The following PPL variants were observed in gnomAD, a reference collection of about 807,000 sequenced individuals.
The protein encoded by PPL is periplakin.
A neutral mutation model predicts 194.4 loss-of-function variants in PPL; 198 were observed. The observed-to-expected ratio is 1.02, with a 90% confidence interval of 0.91 to 1.15. The LOEUF (loss-of-function observed/expected upper bound fraction) is 1.15, where lower values mean the gene tolerates loss of function less well. Ranked by LOEUF, PPL falls within the 50% of genes most tolerant of loss-of-function variation. The pLI, the probability that PPL is intolerant of heterozygous loss-of-function variation, is 0.00. For synonymous variants in PPL, 1,220 were observed against 972.4 expected (o/e 1.25, Z -4.74); for missense variants, 2,885 against 2,294.8 (o/e 1.26, Z -5.25).
intron 2 of PPL, among the ~76,000 whole-genome samples, chr16:4,909,172 G>C (rs2088767989): frequency 6.6e-6 from 1 of 152,088 alleles, no homozygotes; most frequent in South Asian, 2.1e-4. Flanking sequence ...GGGGATAGCT[G>C]GTGGCAGAGA....
At chr16:4,921,368 G>A (rs1407885543) in intron 1 of PPL, among the ~76,000 whole-genome samples, 1 of 152,210 alleles carries the variant, frequency 6.6e-6, no homozygotes, top group African/African-American at 2.4e-5. Flanking sequence ...CATACTCAGA[G>A]CAGAGGAACC....
In PPL at chr16:4,892,039, C is replaced by G; in HGVS notation, c.1825G>C (p.Glu609Gln). Residue 609 changes from glutamate (E) to glutamine (Q), a missense_variant, in exon 15 of 22, where the codon GAG becomes CAG. Transcript: ENST00000345988. ...HLLQLLDLAQ[E>Q]KVDVANRLEK... Reference sequence around the variant, plus strand: ...TGCTGCCTGTCTGCCACCCACTTCTCCTGGGCCAAGTCCAGCAGCTGCAGG... The same window carrying G: ...TGCTGCCTGTCTGCCACCCACTTCTGCTGGGCCAAGTCCAGCAGCTGCAGG... 1.2e-6 allele frequency: 2 copies of G among 1,613,206 alleles called. No individual in the cohort carries two copies. The highest frequency in any genetic ancestry group is 1.3e-5 in the African/African-American group (1 of 75,052).
At chr16:4,919,583 G>A (rs2088995197) in intron 1 of PPL, among the ~76,000 whole-genome samples, 1 of 152,016 alleles carries the variant, frequency 6.6e-6, no homozygotes, top group Non-Finnish European at 1.5e-5. Context: ...CTGTATTTCT[G>A]AGTCTCAGTT....
At chr16:4,900,004 G>T (rs1324849698) in intron 6 of PPL, among the ~76,000 whole-genome samples, 1 of 152,140 alleles carries the variant, frequency 6.6e-6, no homozygotes, top group East Asian at 1.9e-4. Flanking sequence ...ACAGGAACAT[G>T]TAGGAGCTCC....
At chr16:4,895,463 G>C in intron 10 of PPL, 56 bp from the exon 11 acceptor site, 1 of 1,606,058 alleles carries the variant, frequency 6.2e-7, no homozygotes, top group South Asian at 1.1e-5. Flanking sequence ...CCCCTGGTGG[G>C]AGGACGCAGA....
At chr16:4,907,308 TCACACACACACACACACACACACACACA>T (rs56210938) in intron 2 of PPL, among the ~76,000 whole-genome samples, 1 of 145,636 alleles carries the variant, frequency 6.9e-6, no homozygotes, top group African/African-American at 2.6e-5. Flanking sequence ...ATATCTAATC[TCACACACACACACACACACACACACACA>T]CACACACACA....
chr16:4,889,232 G>GTTT (rs2088271181), intron 18 of PPL, among the ~76,000 whole-genome samples, 171 bp from the exon 19 acceptor site: 1 of 7,622 alleles, frequency 1.3e-4, no homozygotes, highest in African/African-American at 1.7e-4. Flanking sequence ...CAGTTTTTTT[G>GTTT]TTGTTGTTGT....
chr16:4,919,387 C>G (rs566920989), intron 1 of PPL, among the ~76,000 whole-genome samples: 10 of 152,230 alleles, frequency 6.6e-5, no homozygotes, highest in Non-Finnish European at 1.0e-4. Flanking sequence ...GACAGTGTGA[C>G]AGAGGAGCTA....
At chr16:4,904,094 T>C in intron 2 of PPL, 54 bp from the exon 3 acceptor site, 1 of 1,562,822 alleles carries the variant, frequency 6.4e-7, no homozygotes. Context: ...GCGGGCACGG[T>C]GGCAATGGGA....
chr16:4,906,891 C>T (rs1429175203), intron 2 of PPL, among the ~76,000 whole-genome samples: 1 of 152,166 alleles, frequency 6.6e-6, no homozygotes, highest in Non-Finnish European at 1.5e-5. Flanking sequence ...CAGGTGAAGT[C>T]TGCGAATGTA....
At chr16:4,892,320 G>T in intron 14 of PPL, 107 bp from the exon 15 acceptor site, 2 of 1,249,272 alleles carry the variant, frequency 1.6e-6, no homozygotes, top group Non-Finnish European at 2.2e-6. Context: ...AGTGGAAGCA[G>T]CTGGAGAGGC....
intron 16 of PPL, chr16:4,891,492 G>A (rs751438377): frequency 2.0e-4 from 56 of 285,854 alleles, no homozygotes; most frequent in Non-Finnish European, 1.4e-4. Context: ...TTGTCCAGGC[G>A]GCTGGACTTA....
At chr16:4,903,707 C>G (rs1170363934) in intron 3 of PPL, among the ~76,000 whole-genome samples, 179 bp downstream of exon 3, 1 of 147,026 alleles carries the variant, frequency 6.8e-6, no homozygotes, top group Non-Finnish European at 1.5e-5. Context: ...GCAACAAGAG[C>G]AAAACTACGT....
At chr16:4,900,733 T>C in intron 6 of PPL, 97 bp downstream of exon 6, 1 of 1,537,232 alleles carries the variant, frequency 6.5e-7, no homozygotes, top group Non-Finnish European at 8.9e-7. Context: ...CCCAGCTGCC[T>C]ATGTCATTTT....
chr16:4,934,051 G>A (rs986926831), intron 1 of PPL, among the ~76,000 whole-genome samples: 2 of 152,234 alleles, frequency 1.3e-5, no homozygotes, highest in African/African-American at 4.8e-5. Context: ...GAGAAGCCAA[G>A]CAGCTCCTCT....
At chr16:4,925,054 C>G (rs2089130714) in intron 1 of PPL, among the ~76,000 whole-genome samples, 1 of 152,194 alleles carries the variant, frequency 6.6e-6, no homozygotes, top group South Asian at 2.1e-4. Flanking sequence ...ATCTGCAGTT[C>G]CTTCCTCTGG....
At position 4,902,621 on chromosome 16, in the gene PPL, G is replaced by C; in HGVS notation, c.318-95C>G. On this transcript the variant is annotated intron_variant, in intron 3 of 21. Transcript: ENST00000345988. This position sits in a 1 kb window ranked among gnomAD's most constrained non-coding sequence, Gnocchi z 4.0. ...CCCAGACCCCGGCCTCAGTGTCCTG[G>C]AAGGACACAGTGACCATATGGCCTT... The C allele has an allele frequency of 6.4e-6, 9 of 1,406,776 alleles. No homozygotes were observed. The highest frequency in any genetic ancestry group is 1.3e-5 in the South Asian group (1 of 74,104). 87.1% of individuals were successfully genotyped at this position (1,406,776 alleles called of 1,614,324 possible). A position where few individuals can be genotyped will look rare whatever the true frequency, so the allele number is the denominator to read the frequency against.
At position 4,890,934 on chromosome 16, in the gene PPL, A is replaced by G; in HGVS notation, c.1969-13T>C. Reference sequence around the variant, plus strand: ...CACAGGCCATGGCCTGGCGGGGCAGAGGAGGAGACGGCGGTGCTACGGCCA... The same window carrying G: ...CACAGGCCATGGCCTGGCGGGGCAGGGGAGGAGACGGCGGTGCTACGGCCA... On this transcript the variant is annotated splice_polypyrimidine_tract_variant and intron_variant, in intron 16 of 21. Transcript: ENST00000345988. The G allele has an allele frequency of 6.6e-7, 1 of 1,505,422 alleles. No homozygotes were observed. Among genetic ancestry groups the G allele is most frequent in the Non-Finnish European group, 8.9e-7 (1 of 1,120,496 alleles). The allele number at this position is 1,505,422 out of a possible 1,614,324, so 93.3% of individuals were successfully genotyped here. A position where few individuals can be genotyped will look rare whatever the true frequency, so the allele number is the denominator to read the frequency against.
At chr16:4,913,927 A>G (rs1326173457) in intron 1 of PPL, among the ~76,000 whole-genome samples, 1 of 152,074 alleles carries the variant, frequency 6.6e-6, no homozygotes, top group Non-Finnish European at 1.5e-5. Context: ...GATCCACCCC[A>G]CAGACCAGGA....
Sources: allele counts gnomAD v4.1 joint callset (sites outside exome capture counted in the v4.1 genomes callset), GRCh38; gene constraint gnomAD v4.1.1; non-coding constraint Gnocchi (gnomAD v3.1); transcripts MANE v1.5; gene names NCBI Gene and HGNC (gene_info 2026-07-23, HGNC 2026-07-21).